The following FAM168B variants were observed in gnomAD, a reference collection of about 807,000 sequenced individuals.
The protein encoded by FAM168B is family with sequence similarity 168 member B.
In FAM168B, 19 loss-of-function variants were observed where a neutral mutation model predicts 21.8. The observed-to-expected ratio is 0.87, with a 90% confidence interval of 0.61 to 1.28. The LOEUF is 1.28. Ranked by LOEUF, FAM168B falls within the 50% of genes most tolerant of loss-of-function variation. The probability of loss-of-function intolerance (pLI) is 0.00; values close to 1 mark genes in which losing one functional copy is unlikely to be tolerated. For synonymous variants in FAM168B, 126 were observed against 104.8 expected, an observed-to-expected ratio of 1.20 and a Z score of -1.24; for missense variants, 233 against 263.1, an observed-to-expected ratio of 0.89 and a Z score of 0.79.
At chr2:131,053,713 CA>C (rs1367948032) in intron 5 of FAM168B, among the ~76,000 whole-genome samples, 2 of 151,924 alleles carry the variant, frequency 1.3e-5, no homozygotes, top group African/African-American at 4.8e-5. Context: ...CCCAGCTCTA[CA>C]AAAAGTTTTA....
Position 131,055,533 on chromosome 2 carries a change from C to G in FAM168B, c.297+20G>C. 1 of 1,600,910 alleles carries G rather than the reference C, an allele frequency of 6.2e-7. No individual in the cohort carries two copies. The highest frequency in any genetic ancestry group is 8.5e-7 in the Non-Finnish European group (1 of 1,175,498). ...GGTGGTATCACCCCTTCCCACACAG[C>G]AGTGTGTACCCAAGCATACCTGTGC... On this transcript the variant is annotated intron_variant, in intron 4 of 6. Transcript: ENST00000389915.
chr2:131,088,597 T>G (rs777943637), intron 1 of FAM168B, among the ~76,000 whole-genome samples: 1 of 152,212 alleles, frequency 6.6e-6, no homozygotes, highest in Non-Finnish European at 1.5e-5. Context: ...CAATTATGTT[T>G]AATCCTGGTA....
At chr2:131,083,547 A>C (rs1455532576) in intron 1 of FAM168B, among the ~76,000 whole-genome samples, 1 of 152,218 alleles carries the variant, frequency 6.6e-6, no homozygotes, top group East Asian at 1.9e-4. Flanking sequence ...TCGCAAAAAA[A>C]ACATGGGGAA....
chr2:131,082,200 A>C (rs1311551263), intron 2 of FAM168B, among the ~76,000 whole-genome samples: 12 of 152,208 alleles, frequency 7.9e-5, no homozygotes, highest in Non-Finnish European at 1.2e-4. Context: ...TGGTTTGAAT[A>C]GAGAACAAGC....
At chr2:131,057,529 A>C (rs796381945) in intron 3 of FAM168B, among the ~76,000 whole-genome samples, 25 of 152,284 alleles carry the variant, frequency 1.6e-4, no homozygotes, top group African/African-American at 6.0e-4. Context: ...TCCATGTTTT[A>C]TTTGGAGTGG....
At chr2:131,059,581 A>T (rs752403992) in intron 3 of FAM168B, among the ~76,000 whole-genome samples, 8 of 152,074 alleles carry the variant, frequency 5.3e-5, no homozygotes, top group Non-Finnish European at 7.4e-5. Flanking sequence ...CCAAGATGAT[A>T]TTTTTTTTAT....
chr2:131,073,711 T>A (rs1046010464), intron 2 of FAM168B, among the ~76,000 whole-genome samples: 1 of 152,258 alleles, frequency 6.6e-6, no homozygotes, highest in Non-Finnish European at 1.5e-5. Context: ...TTCTGTTCAT[T>A]ATCCAGCTTG....
intron 3 of FAM168B, among the ~76,000 whole-genome samples, chr2:131,066,971 G>GGCAAAGGAAGA (rs1434895723): frequency 1.1e-4 from 16 of 152,182 alleles, no homozygotes; most frequent in Non-Finnish European, 1.8e-4. Context: ...CATGGTGGAA[G>GGCAAAGGAAGA]GCAAAGGAAG....
intron 3 of FAM168B, among the ~76,000 whole-genome samples, chr2:131,056,965 C>T (rs1692058099): frequency 2.0e-5 from 3 of 152,260 alleles, no homozygotes; most frequent in East Asian, 1.9e-4. Context: ...AATGTGGTGA[C>T]GGTCATACAG....
At chr2:131,080,152 A>G (rs752681907) in intron 2 of FAM168B, among the ~76,000 whole-genome samples, 5 of 152,080 alleles carry the variant, frequency 3.3e-5, no homozygotes, top group African/African-American at 4.8e-5. Context: ...TGTTCAGATA[A>G]AGGTCAATGA....
rs552532920 is a variant in FAM168B, at chr2:131,082,347, G to A, written c.70+230C>T. 9.9e-5 allele frequency among the ~76,000 whole-genome samples: 15 copies of A among 152,256 alleles called. No homozygotes were observed. In the South Asian group the frequency reaches 2.5e-3, roughly 25 times the overall value. ...AACACTAAGTTAATACTGAGGAAGCGAAGCTGAGACCAGGAGGTAGAGAAA... is the reference window on the plus strand; with the variant it reads ...AACACTAAGTTAATACTGAGGAAGCAAAGCTGAGACCAGGAGGTAGAGAAA... On this transcript the variant is annotated intron_variant, in intron 2 of 6. Transcript: ENST00000389915.
chr2:131,061,702 A>C (rs749607807), intron 3 of FAM168B, among the ~76,000 whole-genome samples: 17 of 152,076 alleles, frequency 1.1e-4, no homozygotes, highest in Non-Finnish European at 1.9e-4. Flanking sequence ...GAATCAGCTG[A>C]ACCTGGGAGG....
In FAM168B at chr2:131,049,436, G is replaced by T. The variant is rs747932643; in HGVS notation, c.*3029C>A. ...AGAACGTTCTTAACAGATGGCTCAC[G>T]AGAGACATAAAAGGTTCTGGAAGTG... On this transcript the variant is annotated 3_prime_UTR_variant, in exon 7 of 7. Transcript: ENST00000389915. 30 of 985,232 alleles carry T rather than the reference G, an allele frequency of 3.0e-5. No homozygotes were observed. Among genetic ancestry groups the T allele is most frequent in the Non-Finnish European group, 3.6e-5 (30 of 829,938 alleles). The allele number at this position is 985,232 out of a possible 1,614,324, so 61.0% of individuals were successfully genotyped here.
chr2:131,051,227 C>T lies in FAM168B; in HGVS notation c.*1238G>A, dbSNP rs540282673. On this transcript the variant is annotated 3_prime_UTR_variant, in exon 7 of 7. Coordinates refer to ENST00000389915, the MANE Select transcript of FAM168B (RefSeq NM_001009993.4). ...CCCATCTCTAAGCGTCCCCTCCAGC[C>T]GGCCTCAGCAGACAAGTCACCACCA... The T allele has an allele frequency of 7.1e-6, 7 of 985,126 alleles. No homozygotes were observed. Among genetic ancestry groups the T allele is most frequent in the South Asian group, 4.7e-5 (1 of 21,268 alleles). 61.0% of individuals were successfully genotyped at this position (985,126 alleles called of 1,614,324 possible).
intron 3 of FAM168B, among the ~76,000 whole-genome samples, chr2:131,063,032 AAT>A (rs1692383119): frequency 6.6e-6 from 1 of 152,262 alleles, no homozygotes; most frequent in Non-Finnish European, 1.5e-5. Context: ...TGGATGGAGT[AAT>A]GTGTATGTGA....
chr2:131,051,163 G>A lies in FAM168B; in HGVS notation c.*1302C>T. The A allele has an allele frequency of 4.1e-6, 4 of 985,272 alleles. No homozygotes were observed. Among genetic ancestry groups the A allele is most frequent in the Non-Finnish European group, 4.8e-6 (4 of 829,916 alleles). The allele number at this position is 985,272 out of a possible 1,614,324, so 61.0% of individuals were successfully genotyped here. The stretch of plus-strand genomic sequence containing the variant: ...CCCTCAGCTGCAAAAGAGATGGCAG[G>A]AGAGGCTCGCAGACAACAGACACTG... On this transcript the variant is annotated 3_prime_UTR_variant, in exon 7 of 7. Coordinates refer to ENST00000389915, the MANE Select transcript of FAM168B (RefSeq NM_001009993.4).
chr2:131,085,870 C>G (rs902379450), intron 1 of FAM168B, among the ~76,000 whole-genome samples: 1 of 152,194 alleles, frequency 6.6e-6, no homozygotes, highest in African/African-American at 2.4e-5. Flanking sequence ...CAGCCGCCTG[C>G]CAAGAGTGCT....
At chr2:131,069,034 G>T (rs1434377941) in intron 3 of FAM168B, among the ~76,000 whole-genome samples, 1 of 152,126 alleles carries the variant, frequency 6.6e-6, no homozygotes, top group African/African-American at 2.4e-5. Flanking sequence ...AATGAGATGG[G>T]TGGCCCATGT....
chr2:131,062,451 TTTTG>T (rs761866826), intron 3 of FAM168B, among the ~76,000 whole-genome samples: 3 of 152,030 alleles, frequency 2.0e-5, no homozygotes, highest in Non-Finnish European at 4.4e-5. Context: ...AAGGTGTCTT[TTTTG>T]TTTTTGTTTT....
Sources: gnomAD v4.1 joint callset for allele counts (sites outside exome capture counted in the v4.1 genomes callset) on GRCh38, gnomAD v4.1.1 for gene constraint, MANE v1.5 for transcripts, NCBI Gene and HGNC (gene_info 2026-07-23, HGNC 2026-07-21) for gene names.